The following SYNPO2 variants were observed in gnomAD, a reference collection of about 807,000 sequenced individuals.
SYNPO2 encodes synaptopodin-2.
A neutral mutation model predicts 85.0 loss-of-function variants in SYNPO2; 56 were observed. The observed-to-expected ratio is 0.66, with a 90% confidence interval of 0.53 to 0.82. The LOEUF (loss-of-function observed/expected upper bound fraction) is 0.82, where lower values mean the gene tolerates loss of function less well. Ranked by LOEUF, SYNPO2 falls within the 40% of genes least tolerant of loss-of-function variation. The pLI is 0.00. For synonymous variants in SYNPO2, 602 were observed against 591.1 expected (o/e 1.02, Z -0.27); for missense variants, 1,575 against 1,534.2 (o/e 1.03, Z -0.44).
At chr4:118,969,152 C>T (rs890670453) in intron 1 of SYNPO2, among the ~76,000 whole-genome samples, 1 of 152,134 alleles carries the variant, frequency 6.6e-6, no homozygotes, top group African/African-American at 2.4e-5. Context: ...AACACTCTGT[C>T]TCTGGTGGGT....
chr4:118,869,038 T>A (rs556805529), intron 1 of SYNPO2, among the ~76,000 whole-genome samples: 1 of 152,162 alleles, frequency 6.6e-6, no homozygotes, highest in African/African-American at 2.4e-5. Context: ...ATGTTTATAA[T>A]CACTGTAGGA....
In SYNPO2 at chr4:119,043,130, T is replaced by A. The variant is rs150930314; in HGVS notation, c.3252+11103T>A. On this transcript the variant is annotated intron_variant, in intron 4 of 4. Transcript: ENST00000307142. ...CAGAGTCTCGCTCTGTCGCCCAGGC[T>A]AGAGTGCAGTGGCACCATCTCGGCT... The A allele has an allele frequency of 3.5e-3, 537 of 152,458 alleles. 3 individuals are homozygous for A. The highest frequency in any genetic ancestry group is 0.013 in the African/African-American group (526 of 41,580). The allele number at this position is 152,458 out of a possible 1,614,324, so 9.4% of individuals were successfully genotyped here.
intron 1 of SYNPO2, among the ~76,000 whole-genome samples, chr4:118,897,188 G>T (rs536742819): frequency 1.3e-5 from 2 of 152,256 alleles, no homozygotes; most frequent in South Asian, 4.2e-4. Context: ...TCAGGAGAGA[G>T]AAAGAGTGAG....
chr4:118,975,918 C>T (rs1420460599), intron 1 of SYNPO2, among the ~76,000 whole-genome samples: 1 of 152,200 alleles, frequency 6.6e-6, no homozygotes, highest in Admixed American at 6.5e-5. Flanking sequence ...GCCTTACTTT[C>T]CTCAAAGTCA....
chr4:119,022,689 T>A (rs991497883), intron 1 of SYNPO2, among the ~76,000 whole-genome samples: 2 of 143,356 alleles, frequency 1.4e-5, no homozygotes, highest in Non-Finnish European at 3.0e-5. Context: ...TTATTTTAAT[T>A]GTATTTTATT....
intron 1 of SYNPO2, among the ~76,000 whole-genome samples, chr4:119,002,704 T>C (rs1736868452): frequency 6.6e-6 from 1 of 152,196 alleles, no homozygotes; most frequent in Non-Finnish European, 1.5e-5. Context: ...TCCCTATTTC[T>C]TTGGTTTTTC....
chr4:118,985,995 G>C (rs1736203111), intron 1 of SYNPO2, among the ~76,000 whole-genome samples: 1 of 152,140 alleles, frequency 6.6e-6, no homozygotes, highest in Non-Finnish European at 1.5e-5. Context: ...CACTCTGTTA[G>C]GTTTTCCTTG....
chr4:119,051,977 G>A (rs1293745448), intron 4 of SYNPO2, among the ~76,000 whole-genome samples: 1 of 152,170 alleles, frequency 6.6e-6, no homozygotes, highest in Non-Finnish European at 1.5e-5. Flanking sequence ...GTGTGTGTTT[G>A]GAGTGGGTGG....
rs1561037194 is a variant in SYNPO2 at position 119,057,802 on chromosome 4, A to G, written c.3654A>G (p.Pro1218=). The G allele has an allele frequency of 6.2e-7, 1 of 1,614,048 alleles. No homozygotes were observed. The highest frequency in any genetic ancestry group is 1.1e-5 in the South Asian group (1 of 91,070). Reference sequence around the variant, plus strand: ...CCTCCCAATATGGTTCACAGTTGCCATATGCATATTATAGGCAGGCTTCAA... The same window carrying G: ...CCTCCCAATATGGTTCACAGTTGCCGTATGCATATTATAGGCAGGCTTCAA... ...STTSQYGSQL[P]YAYYRQASRN... is the part of the protein sequence containing the mutation. The change falls in exon 5 of 5, where the codon CCA becomes CCG. Residue 1218 remains proline, a synonymous_variant. Coordinates refer to ENST00000307142, the MANE Select transcript of SYNPO2 (RefSeq NM_133477.3).
intron 1 of SYNPO2, among the ~76,000 whole-genome samples, chr4:118,998,912 C>T (rs1736721493): frequency 6.6e-6 from 1 of 150,676 alleles, no homozygotes. Flanking sequence ...TTTGTTTTTT[C>T]TTTCTAACTT....
chr4:118,953,831 A>C (rs1217230821), intron 1 of SYNPO2, among the ~76,000 whole-genome samples: 2 of 152,196 alleles, frequency 1.3e-5, no homozygotes, highest in African/African-American at 2.4e-5. Context: ...GGGAGAATAA[A>C]GGATATTTAT....
chr4:118,935,765 C>G (rs1337005287), intron 1 of SYNPO2, among the ~76,000 whole-genome samples: 2 of 152,206 alleles, frequency 1.3e-5, no homozygotes, highest in African/African-American at 4.8e-5. Context: ...ATATCTTGTA[C>G]ACTATATACA....
chr4:118,882,794 G>T (rs111315956), intron 1 of SYNPO2, among the ~76,000 whole-genome samples: 2 of 151,580 alleles, frequency 1.3e-5, no homozygotes, highest in Non-Finnish European at 2.9e-5. Flanking sequence ...TTTTGAGACG[G>T]AGTCTCGCTC....
At chr4:118,941,897 CAG>C (rs1230757596) in intron 1 of SYNPO2, among the ~76,000 whole-genome samples, 1 of 152,160 alleles carries the variant, frequency 6.6e-6, no homozygotes, top group African/African-American at 2.4e-5. Flanking sequence ...CAAGGCGAGT[CAG>C]GGGAAACAGT....
At chr4:118,948,079 T>C (rs1205237894) in intron 1 of SYNPO2, among the ~76,000 whole-genome samples, 3 of 152,230 alleles carry the variant, frequency 2.0e-5, no homozygotes, top group African/African-American at 7.2e-5. Flanking sequence ...AAAACACTTT[T>C]TTCCCTCTCT....
At chr4:118,948,265 C>G (rs1191512216) in intron 1 of SYNPO2, among the ~76,000 whole-genome samples, 1 of 152,108 alleles carries the variant, frequency 6.6e-6, no homozygotes, top group Non-Finnish European at 1.5e-5. Context: ...TAACCAAGTA[C>G]AGGGTAAAAC....
intron 4 of SYNPO2, among the ~76,000 whole-genome samples, chr4:119,056,917 A>G (rs1478811077): frequency 6.6e-6 from 1 of 152,256 alleles, no homozygotes; most frequent in Non-Finnish European, 1.5e-5. Flanking sequence ...ACTTGGGAAG[A>G]GTAAAAAGCT....
At chr4:118,997,812 T>C (rs574440099) in intron 1 of SYNPO2, among the ~76,000 whole-genome samples, 2 of 152,358 alleles carry the variant, frequency 1.3e-5, no homozygotes, top group South Asian at 4.1e-4. Flanking sequence ...ATTCTTTCCT[T>C]AGACATGTTA....
intron 4 of SYNPO2, among the ~76,000 whole-genome samples, chr4:119,057,118 T>C (rs17050127): frequency 0.11 from 17,396 of 151,978 alleles, 2,726 homozygotes; most frequent in African/African-American, 0.35. Flanking sequence ...AGAAAGATGA[T>C]AGCAACTGGG....
Sources: allele counts gnomAD v4.1 joint callset (sites outside exome capture counted in the v4.1 genomes callset), GRCh38; gene constraint gnomAD v4.1.1; transcripts MANE v1.5; gene names NCBI Gene and HGNC (gene_info 2026-07-23, HGNC 2026-07-21).